SORCS2: variants seen among roughly 807,000 people sequenced by gnomAD.
SORCS2 encodes VPS10 domain-containing receptor SorCS2.
Under a neutral mutation model 141.6 loss-of-function variants are expected in SORCS2, and 100 were observed. The observed-to-expected ratio is 0.71, with a 90% CI of 0.60 to 0.83. The LOEUF is 0.83. Ranked by LOEUF, SORCS2 falls within the 40% of genes least tolerant of loss-of-function variation. The pLI, the probability that SORCS2 is intolerant of heterozygous loss-of-function variation, is 0.00. For synonymous variants in SORCS2, 789 were observed against 676.9 expected (o/e 1.17, Z -2.57); for missense variants, 1,646 against 1,560.2 (o/e 1.05, Z -0.93).
At chr4:7,581,240 A>G (rs1438562362) in intron 3 of SORCS2, among the ~76,000 whole-genome samples, 1 of 151,634 alleles carries the variant, frequency 6.6e-6, no homozygotes, top group Non-Finnish European at 1.5e-5. Flanking sequence ...AAATTATAAT[A>G]TAAATTCTAA....
At chr4:7,218,369 T>A (rs1728501458) in intron 1 of SORCS2, among the ~76,000 whole-genome samples, 1 of 152,208 alleles carries the variant, frequency 6.6e-6, no homozygotes, top group African/African-American at 2.4e-5. Context: ...GGTGGAAGCC[T>A]TATTTTTACC....
At chr4:7,302,409 C>T (rs1717491463) in intron 1 of SORCS2, among the ~76,000 whole-genome samples, 1 of 152,232 alleles carries the variant, frequency 6.6e-6, no homozygotes, top group Admixed American at 6.5e-5. Flanking sequence ...TGGGCACACT[C>T]CTGCCTCGGG....
intron 2 of SORCS2, among the ~76,000 whole-genome samples, chr4:7,507,779 CATG>C (rs1281913923): frequency 6.6e-5 from 10 of 152,096 alleles, no homozygotes; most frequent in Non-Finnish European, 2.9e-5. Flanking sequence ...CTGTGTCTCT[CATG>C]AGGGAGCTGG....
intron 4 of SORCS2, among the ~76,000 whole-genome samples, chr4:7,645,098 G>A (rs1177821222): frequency 6.6e-6 from 1 of 152,230 alleles, no homozygotes; most frequent in African/African-American, 2.4e-5. Context: ...TAATGTGGAG[G>A]CTTTATTACC....
chr4:7,224,110 C>G (rs11935586), intron 1 of SORCS2, among the ~76,000 whole-genome samples: 10,257 of 152,232 alleles, frequency 0.067, 446 homozygotes, highest in East Asian at 0.24. Flanking sequence ...TCCAGGGCCC[C>G]TCTAGGCACC....
intron 1 of SORCS2, among the ~76,000 whole-genome samples, chr4:7,389,310 C>T (rs1422330787): frequency 2.0e-5 from 3 of 152,114 alleles, no homozygotes; most frequent in Admixed American, 2.0e-4. Context: ...TTGGCCAAAT[C>T]CTGTGTGATC....
intron 1 of SORCS2, among the ~76,000 whole-genome samples, chr4:7,318,827 C>G (rs1394553324): frequency 6.6e-6 from 1 of 152,174 alleles, no homozygotes; most frequent in Admixed American, 6.5e-5. Flanking sequence ...AATACCATCA[C>G]CATCAAGATA....
intron 1 of SORCS2, among the ~76,000 whole-genome samples, chr4:7,371,202 G>A (rs1722223822): frequency 6.6e-6 from 1 of 152,194 alleles, no homozygotes; most frequent in South Asian, 2.1e-4. Context: ...TCCTGCGAAG[G>A]TCTATGGGGA....
At chr4:7,634,693 G>A (rs778881343) in intron 3 of SORCS2, among the ~76,000 whole-genome samples, 7 of 152,128 alleles carry the variant, frequency 4.6e-5, no homozygotes, top group Non-Finnish European at 8.8e-5. Flanking sequence ...GGCTGTGCGT[G>A]GTGACTTCCT....
intron 1 of SORCS2, among the ~76,000 whole-genome samples, chr4:7,200,052 C>T (rs145958898): frequency 1.3e-5 from 2 of 152,222 alleles, no homozygotes; most frequent in Non-Finnish European, 2.9e-5. Flanking sequence ...TTCGGTTGCC[C>T]CGCGTGCAGG....
At chr4:7,314,611 T>C (rs1718434396) in intron 1 of SORCS2, among the ~76,000 whole-genome samples, 1 of 152,136 alleles carries the variant, frequency 6.6e-6, no homozygotes, top group Non-Finnish European at 1.5e-5. Context: ...AGTGTTGGGA[T>C]TACAGGCGTG....
chr4:7,334,614 C>T (rs1332701902), intron 1 of SORCS2, among the ~76,000 whole-genome samples: 1 of 152,164 alleles, frequency 6.6e-6, no homozygotes, highest in Non-Finnish European at 1.5e-5. Context: ...TCAGTTCCTG[C>T]AGCAACAGGG....
chr4:7,405,777 C>G (rs13105667), intron 2 of SORCS2, among the ~76,000 whole-genome samples: 20,427 of 152,102 alleles, frequency 0.13, 1,565 homozygotes, highest in Non-Finnish European at 0.18. Context: ...ATCATGTCAT[C>G]AGTAAACAGG....
intron 2 of SORCS2, among the ~76,000 whole-genome samples, chr4:7,503,003 T>C (rs1732065869): frequency 6.6e-6 from 1 of 152,222 alleles, no homozygotes; most frequent in African/African-American, 2.4e-5. Flanking sequence ...TTCCACCCGA[T>C]TTCACGTTTT....
chr4:7,622,839 C>G (rs529845217), intron 3 of SORCS2, among the ~76,000 whole-genome samples: 19 of 152,264 alleles, frequency 1.2e-4, no homozygotes, highest in Non-Finnish European at 2.4e-4. Flanking sequence ...CATCTTTCAT[C>G]TGTGGTAGGA....
At chr4:7,706,659 G>A (rs1309195094) in intron 14 of SORCS2, among the ~76,000 whole-genome samples, 9 of 147,106 alleles carry the variant, frequency 6.1e-5, no homozygotes, top group African/African-American at 2.0e-4. Context: ...CTCTGCCTGG[G>A]CAGGGATGAG....
At chr4:7,730,993 C>T (rs1053621914) in intron 23 of SORCS2, among the ~76,000 whole-genome samples, 1 of 152,230 alleles carries the variant, frequency 6.6e-6, no homozygotes, top group African/African-American at 2.4e-5. Flanking sequence ...GGACAGTGCA[C>T]ACTCCAGCAT....
intron 3 of SORCS2, among the ~76,000 whole-genome samples, chr4:7,554,219 A>G (rs1320725455): frequency 6.6e-6 from 1 of 152,202 alleles, no homozygotes; most frequent in Non-Finnish European, 1.5e-5. Context: ...AGCTGCACCC[A>G]CTTTCAAATA....
chr4:7,294,732 TCCC>T (rs530660510), intron 1 of SORCS2, among the ~76,000 whole-genome samples: 35 of 50,126 alleles, frequency 7.0e-4, no homozygotes, highest in African/African-American at 2.8e-3. Context: ...CTCCTCCTCC[TCCC>T]CCTCATCCTC....
Sources: allele counts gnomAD v4.1 joint callset (sites outside exome capture counted in the v4.1 genomes callset), GRCh38; gene constraint gnomAD v4.1.1; transcripts MANE v1.5; gene names NCBI Gene and HGNC (gene_info 2026-07-23, HGNC 2026-07-21).